Variants in IPO5 observed in about 807,000 individuals in gnomAD.
The protein encoded by IPO5 is importin 5.
IPO5 carries 18 observed loss-of-function variants against 143.3 expected under a neutral mutation model. The observed-to-expected ratio is 0.13, with a 90% CI of 0.09 to 0.19. IPO5 has a LOEUF of 0.19. IPO5 is among the 10% of genes least tolerant of loss of function. The pLI is 1.00. For synonymous variants in IPO5, 477 were observed against 465.7 expected (o/e 1.02, Z -0.31); for missense variants, 1,013 against 1,336.9 (o/e 0.76, Z 3.78).
rs150632920 is a variant in IPO5, at chr13:98,016,237, T to G, written c.2493+456T>G. ...CATTGTGTGTTTAGAGTCCAGCATC[T>G]CATATGTGGCCACTTGGTGGGCCAG... On this transcript the variant is annotated intron_variant, in intron 24 of 28. Coordinates refer to ENST00000651721, the MANE Select transcript of IPO5 (RefSeq NM_002271.6). Among the ~76,000 whole-genome samples, 791 of 152,288 alleles carry G rather than the reference T, an allele frequency of 5.2e-3. 9 individuals are homozygous for G. Among genetic ancestry groups the G allele is most frequent in the African/African-American group, 0.018 (751 of 41,554 alleles).
intron 2 of IPO5, among the ~76,000 whole-genome samples, chr13:97,959,466 A>G (rs931253682): frequency 1.3e-5 from 2 of 151,976 alleles, no homozygotes; most frequent in African/African-American, 4.8e-5. Flanking sequence ...ACGGTGGCTC[A>G]CGCCTATAAT....
chr13:97,990,168 A>G lies in IPO5; in HGVS notation c.510A>G (p.Leu170=). 6.2e-7 allele frequency: 1 copy of G among 1,613,388 alleles called. No homozygotes were observed. The highest frequency in any genetic ancestry group is 2.2e-5 in the East Asian group (1 of 44,858). ...TTGGGAACCAGCAACAACACTATTTAGATGTCATCAAACGAATGTTAGTTC... is the reference window on the plus strand; with the variant it reads ...TTGGGAACCAGCAACAACACTATTTGGATGTCATCAAACGAATGTTAGTTC... The part of the protein sequence containing the change: ...GIFGNQQQHY[L]DVIKRMLVQC... Residue 170 remains leucine (L), a synonymous_variant, in exon 8 of 29, where the codon TTA becomes TTG. Coordinates refer to ENST00000651721, the MANE Select transcript of IPO5 (RefSeq NM_002271.6).
At chr13:97,977,684 T>C (rs1886495214) in intron 4 of IPO5, among the ~76,000 whole-genome samples, 1 of 152,208 alleles carries the variant, frequency 6.6e-6, no homozygotes, top group Non-Finnish European at 1.5e-5. Flanking sequence ...TGTAAGCTCA[T>C]TTACCAAGTT....
chr13:97,975,076 G>A (rs1772359498), intron 3 of IPO5, among the ~76,000 whole-genome samples: 2 of 152,292 alleles, frequency 1.3e-5, no homozygotes, highest in South Asian at 2.1e-4. Flanking sequence ...AATTCCCTAA[G>A]TTAAATACTA....
chr13:98,007,964 T>G, intron 17 of IPO5, 95 bp from the exon 18 acceptor site: 1 of 677,878 alleles, frequency 1.5e-6, no homozygotes, highest in Non-Finnish European at 2.7e-6. Context: ...ATGACCTATG[T>G]GGGCAATGTA....
intron 11 of IPO5, 126 bp downstream of exon 11, chr13:97,993,351 T>A: frequency 2.4e-6 from 2 of 819,660 alleles, no homozygotes; most frequent in Non-Finnish European, 3.8e-6. Context: ...ATCAGATGAA[T>A]TTGGGAAAAT....
At chr13:98,013,393 A>G (rs149894016) in intron 21 of IPO5, among the ~76,000 whole-genome samples, 144 of 152,168 alleles carry the variant, frequency 9.5e-4, no homozygotes, top group African/African-American at 3.3e-3. Flanking sequence ...GTACATTTTT[A>G]TGCCTTTACA....
chr13:98,012,723 G>A (rs1358355378), intron 21 of IPO5, among the ~76,000 whole-genome samples: 4 of 151,752 alleles, frequency 2.6e-5, no homozygotes, highest in East Asian at 3.9e-4. Flanking sequence ...GTGCAGTGGC[G>A]TGATCAGGAC....
At chr13:98,006,098 C>G in intron 16 of IPO5, 32 bp from the exon 17 acceptor site, 1 of 1,432,632 alleles carries the variant, frequency 7.0e-7, no homozygotes, top group Non-Finnish European at 9.8e-7. Context: ...TCCAGTTTTC[C>G]TTTGAGGTAA....
intron 12 of IPO5, among the ~76,000 whole-genome samples, chr13:97,997,976 T>C (rs1888442464): frequency 6.6e-6 from 1 of 152,246 alleles, no homozygotes; most frequent in African/African-American, 2.4e-5. Context: ...AAAGTAGCTA[T>C]GTTTTTTGTT....
chr13:98,010,926 G>A (rs867228619), intron 20 of IPO5, among the ~76,000 whole-genome samples: 315 of 151,304 alleles, frequency 2.1e-3, no homozygotes, highest in African/African-American at 7.0e-3. Flanking sequence ...GATTACAGGC[G>A]CCTGCCACCA....
chr13:97,973,127 C>T (rs933355813), intron 3 of IPO5, among the ~76,000 whole-genome samples: 6 of 150,006 alleles, frequency 4.0e-5, no homozygotes, highest in Admixed American at 2.7e-4. Context: ...ACTGCAACCT[C>T]CGTCTCCTGG....
intron 16 of IPO5, among the ~76,000 whole-genome samples, chr13:98,005,697 G>A (rs1889181773): frequency 2.6e-5 from 4 of 152,010 alleles, no homozygotes; most frequent in Admixed American, 2.6e-4. Flanking sequence ...GGGAGAGGGG[G>A]TTAGAAGATA....
chr13:97,989,478 C>G (rs2139685255), intron 7 of IPO5, among the ~76,000 whole-genome samples: 1 of 152,208 alleles, frequency 6.6e-6, no homozygotes, highest in Non-Finnish European at 1.5e-5. Flanking sequence ...TGTAGCTTTT[C>G]AAAAGCCACA....
intron 3 of IPO5, among the ~76,000 whole-genome samples, chr13:97,974,376 G>A (rs560150455): frequency 2.5e-4 from 38 of 149,938 alleles, no homozygotes; most frequent in African/African-American, 7.9e-4. Flanking sequence ...GCACGATCTC[G>A]GCTCACTGTA....
At chr13:98,001,946 A>G (rs1190953481) in intron 13 of IPO5, 1 of 151,498 alleles carries the variant, frequency 6.6e-6, no homozygotes, top group Non-Finnish European at 1.5e-5. Flanking sequence ...GTAGTCACGC[A>G]CTTTTTCTGT....
In IPO5 at chr13:98,000,581, C is replaced by G. The variant is rs551652520; in HGVS notation, c.1044C>G (p.Cys348Trp). ...AGESALDRMA[C>W]GLGGKLVLPM... The stretch of plus-strand genomic sequence containing the variant: ...AGAGTGCTCTAGATCGAATGGCTTG[C>G]GGACTTGGTGGAAAGCTCGTTCTGC... Residue 348 changes from cysteine (C) to tryptophan (W), a missense_variant, in exon 13 of 29, where the codon TGC becomes TGG. By Grantham distance (215) the Cys-to-Trp change is radical. Coordinates refer to ENST00000651721, the MANE Select transcript of IPO5 (RefSeq NM_002271.6). 6.2e-7 allele frequency: 1 copy of G among 1,608,986 alleles called. No homozygotes were observed. Among genetic ancestry groups the G allele is most frequent in the Non-Finnish European group, 8.5e-7 (1 of 1,178,602 alleles).
At chr13:98,016,424 A>G (rs1890125155) in intron 24 of IPO5, among the ~76,000 whole-genome samples, 1 of 152,220 alleles carries the variant, frequency 6.6e-6, no homozygotes, top group Admixed American at 6.5e-5. Context: ...TTGTTTCAGA[A>G]TGTAGAAATT....
rs537852141 is a variant in IPO5 at position 98,023,515 on chromosome 13, CAT to C, written c.*1694_*1695del. On this transcript the variant is annotated 3_prime_UTR_variant, in exon 29 of 29. Coordinates refer to ENST00000651721, the MANE Select transcript of IPO5 (RefSeq NM_002271.6). ...TATTACTACACTTGCAGAAAAGAAA[CAT>C]GTTAAAATCATGGCACACCTGCAGA... The C allele has an allele frequency of 6.6e-6, 1 of 152,116 alleles. No homozygotes were observed. Among genetic ancestry groups the C allele is most frequent in the African/African-American group, 2.4e-5 (1 of 41,426 alleles). The allele number at this position is 152,116 out of a possible 1,614,324, so 9.4% of individuals were successfully genotyped here.
Sources: allele counts gnomAD v4.1 joint callset (sites outside exome capture counted in the v4.1 genomes callset), GRCh38; gene constraint gnomAD v4.1.1; transcripts MANE v1.5; gene names NCBI Gene and HGNC (gene_info 2026-07-23, HGNC 2026-07-21).